Variants in ARHGAP26 observed in about 807,000 individuals in gnomAD.
ARHGAP26 encodes rho GTPase-activating protein 26.
ARHGAP26 carries 38 observed loss-of-function variants against 104.8 expected under a neutral mutation model. That is an observed-to-expected ratio of 0.36 (90% CI 0.28 to 0.48). The LOEUF (loss-of-function observed/expected upper bound fraction) is 0.48, where lower values mean the gene tolerates loss of function less well. Among genes scored for constraint, ARHGAP26 ranks in the 20% least tolerant of loss-of-function variants. The probability of loss-of-function intolerance (pLI) is 0.99; values close to 1 mark genes in which losing one functional copy is unlikely to be tolerated. For missense variants in ARHGAP26, 704 were observed against 947.9 expected (o/e 0.74, Z 3.38); for synonymous variants, 341 against 340.0 (o/e 1.00, Z -0.03).
Position 142,907,728 on chromosome 5 carries a change from A to G in ARHGAP26, c.857A>G (p.Lys286Arg). The G allele has an allele frequency of 6.2e-7, 1 of 1,608,068 alleles. No individual in the cohort carries two copies. ...EKRHFGTSWV[K>R]HYCTYQRDSK... ...GGTCACTTTGGAACTTCTTGGGTGA[A>G]GCACTACTGTACATATCAACGGGAT... The change falls in exon 9 of 23, where the codon AAG becomes AGG. Residue 286 changes from lysine to arginine, a missense_variant. By Grantham distance (26) the Lys-to-Arg change is conservative (BLOSUM62 2). Around this residue, in one of 6 missense-constraint regions of ARHGAP26, gnomAD observed 287 missense variants for 438.8 expected, o/e 0.65. Transcript: ENST00000645722.
At chr5:142,920,469 G>A (rs1446854083) in intron 10 of ARHGAP26, among the ~76,000 whole-genome samples, 4 of 152,186 alleles carry the variant, frequency 2.6e-5, no homozygotes, top group African/African-American at 9.7e-5. Context: ...TTCCAGGAGG[G>A]CCTAGTAAAC....
Position 143,077,159 on chromosome 5 carries a change from T to C in ARHGAP26, c.1538+19412T>C, listed in dbSNP as rs548238072. On this transcript the variant is annotated intron_variant, in intron 17 of 22. Transcript: ENST00000645722. ...GCACTTAATGTGTCCCAGGCGGTGCTCTAAGTTCTGTGAATGCCTCAGGTA... is the reference window on the plus strand; with the variant it reads ...GCACTTAATGTGTCCCAGGCGGTGCCCTAAGTTCTGTGAATGCCTCAGGTA... Among the ~76,000 whole-genome samples, 8 of 152,320 alleles carry C rather than the reference T, an allele frequency of 5.3e-5. No individual in the cohort carries two copies. The South Asian group carries it at 1.7e-3, about 32-fold the overall frequency.
chr5:142,992,786 T>C (rs1369692796), intron 11 of ARHGAP26, among the ~76,000 whole-genome samples: 1 of 152,198 alleles, frequency 6.6e-6, no homozygotes, highest in African/African-American at 2.4e-5. Flanking sequence ...AGAGACCATA[T>C]GAATTGTCAT....
chr5:143,041,977 T>C (rs1278988158), intron 14 of ARHGAP26, 87 bp downstream of exon 14: 1 of 1,163,116 alleles, frequency 8.6e-7, no homozygotes, highest in African/African-American at 1.5e-5. Flanking sequence ...AGATACAGCC[T>C]GTGGCAAAGG....
chr5:143,032,441 A>T (rs1189640317), intron 12 of ARHGAP26, among the ~76,000 whole-genome samples: 1 of 152,200 alleles, frequency 6.6e-6, no homozygotes, highest in Non-Finnish European at 1.5e-5. Context: ...GATTATAGGG[A>T]TACAGAAATT....
At chr5:142,964,383 A>G (rs1473353507) in intron 11 of ARHGAP26, among the ~76,000 whole-genome samples, 1 of 152,184 alleles carries the variant, frequency 6.6e-6, no homozygotes, top group African/African-American at 2.4e-5. Flanking sequence ...TTTCCTTTTA[A>G]AAAAATAAGT....
intron 11 of ARHGAP26, among the ~76,000 whole-genome samples, chr5:142,958,904 TAAA>T (rs1199020124): frequency 1.1e-5 from 1 of 88,230 alleles, no homozygotes; most frequent in Non-Finnish European, 2.0e-5. Context: ...CGCTGTCTCT[TAAA>T]AAAAAAAAAA....
chr5:142,866,505 A>G (rs1754307368), intron 1 of ARHGAP26, among the ~76,000 whole-genome samples: 1 of 152,220 alleles, frequency 6.6e-6, no homozygotes, highest in African/African-American at 2.4e-5. Flanking sequence ...AATGTATATA[A>G]TATATTCATA....
rs1363021099 is a variant in ARHGAP26, at chr5:143,227,168, C to A, written c.*4722C>A. 6 of 229,928 alleles carry A rather than the reference C, an allele frequency of 2.6e-5. No individual in the cohort carries two copies. The highest frequency in any genetic ancestry group is 4.3e-5 in the Non-Finnish European group (5 of 116,122). The allele number at this position is 229,928 out of a possible 1,614,324, so 14.2% of individuals were successfully genotyped here. On this transcript the variant is annotated 3_prime_UTR_variant, in exon 23 of 23. Coordinates refer to ENST00000645722, the MANE Select transcript of ARHGAP26 (RefSeq NM_001135608.3). The stretch of plus-strand genomic sequence containing the variant: ...GTGGACATGGCACTCCCGGAGACAG[C>A]AGTGGCCACCATGGCACCCAGAGTT...
Position 143,095,279 on chromosome 5 carries a change from A to G in ARHGAP26, c.1539-25709A>G, listed in dbSNP as rs577166194. ...TATACAATTCAATGGGATTTAGTAC[A>G]TTGACAGTATTATGCAACCATTCCC... is the stretch of plus-strand genomic sequence containing the variant. On this transcript the variant is annotated intron_variant, in intron 17 of 22. Coordinates refer to ENST00000645722, the MANE Select transcript of ARHGAP26 (RefSeq NM_001135608.3). 5.3e-5 allele frequency among the ~76,000 whole-genome samples: 8 copies of G among 152,240 alleles called. No homozygotes were observed. The South Asian group carries it at 1.7e-3, about 32-fold the overall frequency.
At chr5:143,060,407 A>C (rs778690543) in intron 17 of ARHGAP26, among the ~76,000 whole-genome samples, 2 of 152,162 alleles carry the variant, frequency 1.3e-5, no homozygotes, top group Non-Finnish European at 2.9e-5. Context: ...AAGGCATTTT[A>C]TATTTAATCC....
At chr5:143,158,435 A>T (rs116141049) in intron 20 of ARHGAP26, among the ~76,000 whole-genome samples, 204 of 152,336 alleles carry the variant, frequency 1.3e-3, no homozygotes, top group African/African-American at 4.6e-3. Context: ...ACTGGAAACT[A>T]CGCTGATTAG....
At position 142,808,415 on chromosome 5, in the gene ARHGAP26, C is replaced by T. The variant is rs144778569; in HGVS notation, c.154+37500C>T. The stretch of plus-strand genomic sequence containing the variant: ...TTTGTTTAGTAGTAATTTCTGCATT[C>T]CCTTTTCTTTCCTTTCCTCCTCTCC... On this transcript the variant is annotated intron_variant, in intron 1 of 22. Transcript: ENST00000645722. Among the ~76,000 whole-genome samples, 676 of 151,762 alleles carry T rather than the reference C, an allele frequency of 4.5e-3. 10 individuals are homozygous for T. The highest frequency in any genetic ancestry group is 0.014 in the African/African-American group (562 of 41,406).
intron 11 of ARHGAP26, chr5:142,946,812 T>C (rs1767178505): frequency 6.6e-6 from 1 of 152,178 alleles, no homozygotes; most frequent in Non-Finnish European, 1.5e-5. Flanking sequence ...TGCATTCTTT[T>C]TAGTTGTGTT....
intron 1 of ARHGAP26, among the ~76,000 whole-genome samples, chr5:142,796,672 C>G (rs758793622): frequency 2.0e-5 from 3 of 152,196 alleles, no homozygotes; most frequent in African/African-American, 7.2e-5. Flanking sequence ...CTTTCTGAGC[C>G]CTGTGGACTC....
chr5:142,798,540 A>G (rs1037765570), intron 1 of ARHGAP26, among the ~76,000 whole-genome samples: 1 of 152,144 alleles, frequency 6.6e-6, no homozygotes. Context: ...TGTGCTCTCA[A>G]ATGGAGTATT....
intron 10 of ARHGAP26, among the ~76,000 whole-genome samples, chr5:142,927,993 A>G (rs1472323833): frequency 6.6e-6 from 1 of 152,052 alleles, no homozygotes; most frequent in Admixed American, 6.5e-5. Context: ...TATTTATTGT[A>G]TTGGGTGGTT....
intron 6 of ARHGAP26, among the ~76,000 whole-genome samples, chr5:142,900,098 G>C (rs1399134003): frequency 6.6e-6 from 1 of 152,204 alleles, no homozygotes; most frequent in African/African-American, 2.4e-5. Flanking sequence ...CAGATAGCAG[G>C]GAGAGCAGAG....
chr5:142,974,611 A>C (rs1479568133), intron 11 of ARHGAP26, among the ~76,000 whole-genome samples: 2 of 152,196 alleles, frequency 1.3e-5, no homozygotes, highest in Non-Finnish European at 2.9e-5. Flanking sequence ...GGCTCCCATC[A>C]TGGGTGGATG....
Sources: allele counts gnomAD v4.1 joint callset (sites outside exome capture counted in the v4.1 genomes callset), GRCh38; gene constraint gnomAD v4.1.1; regional missense constraint gnomAD v4.1.1; transcripts MANE v1.5; gene names NCBI Gene and HGNC (gene_info 2026-07-23, HGNC 2026-07-21).